The following SVEP1 variants were observed in gnomAD, a reference collection of about 807,000 sequenced individuals.
The protein encoded by SVEP1 is sushi, von Willebrand factor type A, EGF and pentraxin domain-containing protein 1.
SVEP1 carries 164 observed loss-of-function variants against 367.3 expected under a neutral mutation model. That is an observed-to-expected ratio of 0.45 (90% CI 0.39 to 0.51). The LOEUF (loss-of-function observed/expected upper bound fraction) is 0.51, where lower values mean the gene tolerates loss of function less well. SVEP1 is among the 20% of genes least tolerant of loss of function. The pLI, the probability that SVEP1 is intolerant of heterozygous loss-of-function variation, is 0.00. For missense variants in SVEP1, 4,117 were observed against 4,425.3 expected, an observed-to-expected ratio of 0.93 and a Z score of 1.98; for synonymous variants, 1,666 against 1,611.6, an observed-to-expected ratio of 1.03 and a Z score of -0.81.
chr9:110,400,173 G>C (rs1353757889), intron 40 of SVEP1, among the ~76,000 whole-genome samples: 1 of 152,176 alleles, frequency 6.6e-6, no homozygotes, highest in African/African-American at 2.4e-5. Context: ...GGAAATCCTG[G>C]CTTTGCATAC....
chr9:110,427,951 G>A (rs1199980303), intron 35 of SVEP1, among the ~76,000 whole-genome samples, 193 bp from the exon 36 acceptor site: 1 of 152,190 alleles, frequency 6.6e-6, no homozygotes, highest in Non-Finnish European at 1.5e-5. Context: ...TTGAAACAAT[G>A]AATGGGTGAA....
At chr9:110,423,651 C>T (rs1402661878) in intron 36 of SVEP1, among the ~76,000 whole-genome samples, 1 of 151,976 alleles carries the variant, frequency 6.6e-6, no homozygotes, top group Non-Finnish European at 1.5e-5. Context: ...AAGGAAACAA[C>T]TGATAAATAT....
intron 8 of SVEP1, among the ~76,000 whole-genome samples, chr9:110,490,301 A>C (rs781039638): frequency 6.6e-6 from 1 of 152,134 alleles, no homozygotes; most frequent in Non-Finnish European, 1.5e-5. Context: ...GATATCCATC[A>C]CCTTAAATAT....
intron 43 of SVEP1, among the ~76,000 whole-genome samples, chr9:110,384,013 C>G (rs1433190127): frequency 1.3e-5 from 2 of 152,154 alleles, no homozygotes; most frequent in Non-Finnish European, 2.9e-5. Context: ...GCCTCTTCCC[C>G]CAGAAGCTCA....
Position 110,411,745 on chromosome 9 carries a change from T to A in SVEP1, c.5976-10A>T. On this transcript the variant is annotated splice_polypyrimidine_tract_variant and intron_variant, in intron 36 of 47. Coordinates refer to ENST00000374469, the MANE Select transcript of SVEP1 (RefSeq NM_153366.4). ...ACCAGCAAGAGTATAGCTGTGAGGT[T>A]GGGAAGAAAGAAAGAATAACTAAGC... 6.7e-7 allele frequency: 1 copy of A among 1,503,556 alleles called. No individual in the cohort carries two copies. 93.1% of individuals were successfully genotyped at this position (1,503,556 alleles called of 1,614,324 possible). A position where few individuals can be genotyped will look rare whatever the true frequency, so the allele number is the denominator to read the frequency against.
chr9:110,511,336 A>G (rs1368498935), intron 5 of SVEP1, among the ~76,000 whole-genome samples: 2 of 152,040 alleles, frequency 1.3e-5, no homozygotes, highest in African/African-American at 4.8e-5. Context: ...TCACGTGAAA[A>G]GAGTCTATTT....
In SVEP1 at chr9:110,579,371, CCCGCCGCTTCGTCGCCAGGAG is replaced by C; in HGVS notation, c.152_172del (p.Ala51_Ala57del). ...CTGGCCCAGCCGCTCCACTCTGCTC[CCCGCCGCTTCGTCGCCAGGAG>C]CGGGCGGCGCGGGGATACTCCCGGG... On this transcript the variant is annotated inframe_deletion, in exon 1 of 48. Coordinates refer to ENST00000374469, the MANE Select transcript of SVEP1 (RefSeq NM_153366.4). The surrounding 1 kb of genome is among the most constrained non-coding windows in gnomAD (Gnocchi z 5.3). The C allele has an allele frequency of 6.4e-7, 1 of 1,560,688 alleles. No individual in the cohort carries two copies. The highest frequency in any genetic ancestry group is 8.7e-7 in the Non-Finnish European group (1 of 1,153,656).
chr9:110,572,789 C>CAAAAAAAAAAAAAAAAAAAAAAA (rs56077443), intron 1 of SVEP1, among the ~76,000 whole-genome samples: 20 of 76,520 alleles, frequency 2.6e-4, no homozygotes, highest in Non-Finnish European at 4.7e-4. Context: ...CTCTCTCTCA[C>CAAAAAAAAAAAAAAAAAAAAAAA]AAAAAAAAAA....
At chr9:110,395,838 C>A (rs921741786) in intron 40 of SVEP1, among the ~76,000 whole-genome samples, 3 of 152,058 alleles carry the variant, frequency 2.0e-5, no homozygotes, top group Non-Finnish European at 4.4e-5. Context: ...TACAGGAGCA[C>A]CCAGATTCAT....
intron 8 of SVEP1, among the ~76,000 whole-genome samples, 178 bp downstream of exon 8, chr9:110,496,637 G>T (rs2184244): frequency 2.0e-5 from 3 of 152,186 alleles, no homozygotes; most frequent in Non-Finnish European, 4.4e-5. Flanking sequence ...GTGATGGTGT[G>T]AGTCAATAGT....
chr9:110,478,170 C>T (rs1020878850), intron 13 of SVEP1, among the ~76,000 whole-genome samples: 5 of 152,186 alleles, frequency 3.3e-5, no homozygotes, highest in African/African-American at 4.8e-5. Context: ...TAGATATGCT[C>T]GTGGCTCACT....
chr9:110,398,224 A>C (rs1005303279), intron 40 of SVEP1, among the ~76,000 whole-genome samples: 2 of 152,160 alleles, frequency 1.3e-5, no homozygotes, highest in African/African-American at 4.8e-5. Flanking sequence ...CAAACCTGAC[A>C]AAAACAAGAA....
At chr9:110,471,698 G>GA in intron 15 of SVEP1, 101 bp from the exon 16 acceptor site, 1 of 796,620 alleles carries the variant, frequency 1.3e-6, no homozygotes, top group Non-Finnish European at 2.0e-6. Context: ...AAATCTTTTA[G>GA]TACTAATAAG....
At chr9:110,537,952 C>G (rs567248791) in intron 3 of SVEP1, among the ~76,000 whole-genome samples, 1 of 151,708 alleles carries the variant, frequency 6.6e-6, no homozygotes, top group Admixed American at 6.6e-5. Context: ...GAGAGAGTCT[C>G]TTATAATGGG....
chr9:110,468,639 A>G (rs1828973234), intron 17 of SVEP1, among the ~76,000 whole-genome samples: 1 of 152,242 alleles, frequency 6.6e-6, no homozygotes, highest in Admixed American at 6.5e-5. Context: ...CTGAACAAAC[A>G]AGACTTGCTA....
intron 22 of SVEP1, among the ~76,000 whole-genome samples, chr9:110,454,568 C>T (rs1828747894): frequency 6.6e-6 from 1 of 152,140 alleles, no homozygotes; most frequent in African/African-American, 2.4e-5. Flanking sequence ...AGGTGCCCAT[C>T]AATGGTGGAT....
chr9:110,483,561 G>A, intron 10 of SVEP1, 25 bp downstream of exon 10: 1 of 1,560,468 alleles, frequency 6.4e-7, no homozygotes, highest in Non-Finnish European at 8.7e-7. Flanking sequence ...CTACTATGCT[G>A]ACAACAAAGT....
intron 14 of SVEP1, among the ~76,000 whole-genome samples, chr9:110,474,093 C>T (rs1435208959): frequency 1.3e-5 from 2 of 152,136 alleles, no homozygotes; most frequent in African/African-American, 4.8e-5. Flanking sequence ...TTCCCCCTCC[C>T]GGGTTCAAGT....
chr9:110,415,535 C>G (rs1828106805), intron 36 of SVEP1, among the ~76,000 whole-genome samples: 1 of 151,938 alleles, frequency 6.6e-6, no homozygotes. Context: ...TAAGACAGGT[C>G]ATATTTTACA....
Sources: allele counts gnomAD v4.1 joint callset (sites outside exome capture counted in the v4.1 genomes callset), GRCh38; gene constraint gnomAD v4.1.1; non-coding constraint Gnocchi (gnomAD v3.1); transcripts MANE v1.5; gene names NCBI Gene and HGNC (gene_info 2026-07-23, HGNC 2026-07-21).